The following SPTLC3 variants were observed in gnomAD, a reference collection of about 807,000 sequenced individuals.
SPTLC3 encodes the protein serine palmitoyltransferase 3.
In SPTLC3, 36 loss-of-function variants were observed where a neutral mutation model predicts 59.3. The ratio of observed to expected loss-of-function variants is 0.61; its 90% CI spans 0.47 to 0.80. The LOEUF is 0.80. SPTLC3 is among the 30% of genes least tolerant of loss of function. The probability of loss-of-function intolerance (pLI) is 0.00; values close to 1 mark genes in which losing one functional copy is unlikely to be tolerated. For synonymous variants in SPTLC3, 257 were observed against 240.8 expected (o/e 1.07, Z -0.62); for missense variants, 625 against 685.1 (o/e 0.91, Z 0.98).
chr20:13,126,694 T>C lies in SPTLC3; in HGVS notation c.1256T>C (p.Met419Thr), dbSNP rs753031055. 2.5e-6 allele frequency: 4 copies of C among 1,614,018 alleles called. No individual in the cohort carries two copies. In the South Asian group the frequency reaches 4.4e-5, roughly 18 times the overall value. ...EQIIRSLKLI[M>T]GLDGTTQGLQ... is the part of the protein sequence containing the mutation. ...ATCATCAGATCACTAAAACTTATCA[T>C]GGGACTGGATGGGACCACTCAAGGT... The change falls in exon 9 of 12, where the codon ATG (methionine) becomes ACG (threonine). Residue 419 changes from methionine to threonine, a missense_variant. Physicochemically the swap from Met to Thr is moderately conservative, Grantham distance 81. Transcript: ENST00000399002.
chr20:13,102,566 G>A (rs991759890), intron 6 of SPTLC3, among the ~76,000 whole-genome samples: 1 of 152,110 alleles, frequency 6.6e-6, no homozygotes, highest in African/African-American at 2.4e-5. Context: ...GGATGGCAGA[G>A]TGATGAATGT....
At chr20:13,111,177 T>C (rs1278814485) in intron 7 of SPTLC3, among the ~76,000 whole-genome samples, 3 of 152,178 alleles carry the variant, frequency 2.0e-5, no homozygotes, top group Admixed American at 6.5e-5. Flanking sequence ...ATGGTTAGGG[T>C]TCTGGATGTT....
chr20:13,091,668 G>C (rs1989227505), intron 5 of SPTLC3, among the ~76,000 whole-genome samples: 1 of 152,142 alleles, frequency 6.6e-6, no homozygotes, highest in East Asian at 1.9e-4. Flanking sequence ...AAGTATGCCA[G>C]CTTAGTCCAG....
At chr20:13,098,982 G>T (rs1989514449) in intron 6 of SPTLC3, among the ~76,000 whole-genome samples, 1 of 152,066 alleles carries the variant, frequency 6.6e-6, no homozygotes, top group African/African-American at 2.4e-5. Context: ...TTGCTCTTCT[G>T]CTCTCTTTGG....
intron 8 of SPTLC3, among the ~76,000 whole-genome samples, chr20:13,125,206 C>T (rs6078931): frequency 0.15 from 22,459 of 152,158 alleles, 1,797 homozygotes; most frequent in East Asian, 0.2. Context: ...CTTCTTAGGG[C>T]TTTCAGCAAG....
intron 1 of SPTLC3, among the ~76,000 whole-genome samples, chr20:13,034,790 CA>C (rs144473176): frequency 3.3e-4 from 48 of 146,600 alleles, no homozygotes; most frequent in African/African-American, 6.7e-4. Context: ...TGTTATTCAC[CA>C]AAAAAAAAAT....
At position 13,154,139 on chromosome 20, in the gene SPTLC3, G is replaced by GT; in HGVS notation, c.1415+2dup. 1.2e-6 allele frequency: 2 copies of GT among 1,613,970 alleles called. No homozygotes were observed. Among genetic ancestry groups the GT allele is most frequent in the African/African-American group, 1.3e-5 (1 of 75,044 alleles). On this transcript the variant is annotated splice_donor_variant, in intron 10 of 11. Transcript: ENST00000399002. LOFTEE classifies it high-confidence loss of function. ...TTCTTTATATGCCTGGTAAAGTAGC[G>GT]TAAGTATCCAAGGCATCTCATAATC...
chr20:13,101,543 T>G (rs1259946497), intron 6 of SPTLC3, among the ~76,000 whole-genome samples: 6 of 152,200 alleles, frequency 3.9e-5, no homozygotes, highest in Admixed American at 3.9e-4. Flanking sequence ...TTCAGGGACA[T>G]AGCCAACCCT....
At chr20:13,152,565 A>C (rs2038673168) in intron 9 of SPTLC3, among the ~76,000 whole-genome samples, 1 of 152,184 alleles carries the variant, frequency 6.6e-6, no homozygotes, top group East Asian at 1.9e-4. Flanking sequence ...CCTCCAGGTT[A>C]GGACAAAGAT....
At chr20:13,068,513 T>C (rs1294789636) in intron 2 of SPTLC3, among the ~76,000 whole-genome samples, 1 of 152,144 alleles carries the variant, frequency 6.6e-6, no homozygotes, top group South Asian at 2.1e-4. Flanking sequence ...TGAAGAAAGC[T>C]CCTGGCTGTT....
At chr20:13,125,964 C>T (rs954505452) in intron 8 of SPTLC3, among the ~76,000 whole-genome samples, 9 of 152,210 alleles carry the variant, frequency 5.9e-5, no homozygotes, top group African/African-American at 2.2e-4. Context: ...TACATGCCTT[C>T]TGCTTTCTTG....
At chr20:13,103,577 T>C (rs1989704552) in intron 6 of SPTLC3, among the ~76,000 whole-genome samples, 2 of 152,224 alleles carry the variant, frequency 1.3e-5, no homozygotes, top group Admixed American at 6.5e-5. Flanking sequence ...AGGGTGTCTC[T>C]AAATGCAGAT....
chr20:13,066,790 C>A (rs1988228204), intron 2 of SPTLC3, among the ~76,000 whole-genome samples: 1 of 151,204 alleles, frequency 6.6e-6, no homozygotes. Flanking sequence ...TCTTCCTTTC[C>A]TCCTTAGTCT....
chr20:13,044,275 A>AT (rs1330967305), intron 1 of SPTLC3, among the ~76,000 whole-genome samples: 1 of 151,216 alleles, frequency 6.6e-6, no homozygotes, highest in African/African-American at 2.4e-5. Context: ...TAATTTTTGT[A>AT]TTTTTTAGTA....
chr20:13,009,142 G>A lies in SPTLC3; in HGVS notation c.-126G>A, dbSNP rs1985087499. 1 of 708,990 alleles carries A rather than the reference G, an allele frequency of 1.4e-6. No homozygotes were observed. Among genetic ancestry groups the A allele is most frequent in the Non-Finnish European group, 2.4e-6 (1 of 408,216 alleles). 43.9% of individuals were successfully genotyped at this position (708,990 alleles called of 1,614,324 possible). A position where few individuals can be genotyped will look rare whatever the true frequency, so the allele number is the denominator to read the frequency against. ...TGTTGCTCTTCTTCTGGAAAAGCCT[G>A]ATTGGTAAGATTCCTTTAAGGGCTC... On this transcript the variant is annotated 5_prime_UTR_variant, in exon 1 of 12. Transcript: ENST00000399002.
chr20:13,149,449 G>T (rs6078937), intron 9 of SPTLC3, among the ~76,000 whole-genome samples: 103,618 of 152,168 alleles, frequency 0.68, 35,348 homozygotes, highest in South Asian at 0.71. Flanking sequence ...GCGTTTTATA[G>T]GTACAAATTC....
chr20:13,152,233 A>G (rs1400888021), intron 9 of SPTLC3, among the ~76,000 whole-genome samples: 1 of 152,154 alleles, frequency 6.6e-6, no homozygotes, highest in African/African-American at 2.4e-5. Flanking sequence ...TCTTACACTA[A>G]TTTGGTTGTT....
At chr20:13,045,058 G>T (rs1987173675) in intron 1 of SPTLC3, among the ~76,000 whole-genome samples, 1 of 150,986 alleles carries the variant, frequency 6.6e-6, no homozygotes, top group African/African-American at 2.4e-5. Context: ...ATCAATTCTG[G>T]GGAAAACATA....
At chr20:13,013,431 T>C (rs1985359971) in intron 1 of SPTLC3, among the ~76,000 whole-genome samples, 1 of 152,212 alleles carries the variant, frequency 6.6e-6, no homozygotes, top group Non-Finnish European at 1.5e-5. Context: ...CAATATTCTC[T>C]CCAATTACTA....
Sources: gnomAD v4.1 joint callset for allele counts (sites outside exome capture counted in the v4.1 genomes callset) on GRCh38, gnomAD v4.1.1 for gene constraint, MANE v1.5 for transcripts, NCBI Gene and HGNC (gene_info 2026-07-23, HGNC 2026-07-21) for gene names.